Variants in PCNX3 observed in about 807,000 individuals in gnomAD.
The protein encoded by PCNX3 is pecanex 3.
A neutral mutation model predicts 207.2 loss-of-function variants in PCNX3; 58 were observed. The ratio of observed to expected loss-of-function variants is 0.28; its 90% confidence interval spans 0.23 to 0.35. The LOEUF (loss-of-function observed/expected upper bound fraction) is 0.35, where lower values mean the gene tolerates loss of function less well. Among genes scored for constraint, PCNX3 ranks in the 10% least tolerant of loss-of-function variants. The pLI is 1.00. For synonymous variants in PCNX3, 1,337 were observed against 1,183.5 expected, an observed-to-expected ratio of 1.13 and a Z score of -2.66; for missense variants, 2,410 against 2,774.4, an observed-to-expected ratio of 0.87 and a Z score of 2.95.
chr11:65,623,463 G>C, intron 11 of PCNX3, 28 bp from the exon 12 acceptor site: 1 of 1,567,074 alleles, frequency 6.4e-7, no homozygotes, highest in Non-Finnish European at 8.7e-7. Flanking sequence ...GGCAAGACGG[G>C]CACGCCCTGA....
rs1854757085 is a variant in PCNX3 at position 65,616,805 on chromosome 11, G to C, written c.154-19G>C. The C allele has an allele frequency of 6.2e-7, 1 of 1,604,032 alleles. No individual in the cohort carries two copies. The highest frequency in any genetic ancestry group is 1.3e-5 in the African/African-American group (1 of 74,920). ...GGCGAGGCTTTGTGAAAAGGGACCT[G>C]GCTTACTTTCATCTTCAGGTCCTGC... On this transcript the variant is annotated intron_variant, in intron 1 of 34. Coordinates refer to ENST00000355703, the MANE Select transcript of PCNX3 (RefSeq NM_032223.4).
chr11:65,633,543 G>T (rs1565171276), intron 27 of PCNX3, among the ~76,000 whole-genome samples: 1 of 152,166 alleles, frequency 6.6e-6, no homozygotes, highest in Non-Finnish European at 1.5e-5. Flanking sequence ...CTCGCTCCCC[G>T]CCCCCTGCCC....
chr11:65,623,155 G>T (rs1855200033), intron 11 of PCNX3, among the ~76,000 whole-genome samples: 1 of 152,232 alleles, frequency 6.6e-6, no homozygotes, highest in Non-Finnish European at 1.5e-5. Context: ...GCATAGCGTG[G>T]CACGCCCAAG....
Position 65,618,713 on chromosome 11 carries a change from T to G in PCNX3, c.1351T>G (p.Ser451Ala). 2.5e-6 allele frequency: 4 copies of G among 1,612,816 alleles called. No homozygotes were observed. Among genetic ancestry groups the G allele is most frequent in the Non-Finnish European group, 3.4e-6 (4 of 1,179,486 alleles). Reference protein sequence around the residue: ...RYSTDSSSSTSCYSPESSRGA... With the variant: ...RYSTDSSSSTACYSPESSRGA... ...CAGTACTGACAGCTCCTCTTCTACT[T>G]CCTGCTACTCCCCTGAGAGCTCCCG... The change falls in exon 6 of 35, where the codon TCC becomes GCC. Residue 451 changes from serine (S) to alanine (A), a missense_variant. By Grantham distance (99) the Ser-to-Ala change is moderately conservative (BLOSUM62 1). This residue lies in a region of PCNX3 where 1,104 missense variants were observed against 970.3 expected (regional missense o/e 1.14). Transcript: ENST00000355703.
At chr11:65,633,345 C>T (rs137882102) in intron 27 of PCNX3, among the ~76,000 whole-genome samples, 81 of 152,352 alleles carry the variant, frequency 5.3e-4, no homozygotes, top group Non-Finnish European at 8.7e-4. Context: ...CACATGTGCC[C>T]GTGGCTTTTT....
chr11:65,617,633 G>A lies in PCNX3; in HGVS notation c.504G>A (p.Glu168=), dbSNP rs779195734. 1.9e-6 allele frequency: 3 copies of A among 1,606,442 alleles called. No homozygotes were observed. The highest frequency in any genetic ancestry group is 1.7e-4 in the Middle Eastern group (1 of 6,048). Residue 168 remains glutamate, a synonymous_variant, in exon 5 of 35, where the codon GAG becomes GAA. Coordinates refer to ENST00000355703, the MANE Select transcript of PCNX3 (RefSeq NM_032223.4). Reference sequence around the variant, plus strand: ...CAGACATCAAGGAGCTGGTGCGGGAGCAGGGCAGCAACAATGTGATCGTGA... The same window carrying A: ...CAGACATCAAGGAGCTGGTGCGGGAACAGGGCAGCAACAATGTGATCGTGA... ...PLRDIKELVR[E]QGSNNVIVTS...
At position 65,635,472 on chromosome 11, in the gene PCNX3, A is replaced by T; in HGVS notation, c.5184+24A>T. 1 of 1,607,416 alleles carries T rather than the reference A, an allele frequency of 6.2e-7. No individual in the cohort carries two copies. The highest frequency in any genetic ancestry group is 8.5e-7 in the Non-Finnish European group (1 of 1,178,158). ...AGGTTGGGCCGGCCCCACCTGCCCT[A>T]AGCCCTGCCCCAAACCCCCTTGGGC... On this transcript the variant is annotated intron_variant, in intron 31 of 34. Transcript: ENST00000355703. This position sits in a 1 kb window ranked among gnomAD's most constrained non-coding sequence, Gnocchi z 9.9.
chr11:65,624,108 G>A, intron 13 of PCNX3, 87 bp from the exon 14 acceptor site: 4 of 1,566,080 alleles, frequency 2.6e-6, no homozygotes, highest in Non-Finnish European at 3.4e-6. Flanking sequence ...TTGGACCCAG[G>A]GCCAGGCCTG....
At chr11:65,624,156 A>G in intron 13 of PCNX3, 39 bp from the exon 14 acceptor site, 1 of 1,582,084 alleles carries the variant, frequency 6.3e-7, no homozygotes, top group Non-Finnish European at 8.6e-7. Context: ...AGGTGTGGCC[A>G]GTCGGGGAGA....
Position 65,626,166 on chromosome 11 carries a change from C to T in PCNX3, c.3379+112C>T, listed in dbSNP as rs185107667. On this transcript the variant is annotated intron_variant, in intron 20 of 34. Transcript: ENST00000355703. ...AGTGCCAGCAGGGGGCACTCGCTGC[C>T]CACACTACCCTTTCTGCTCCCTCCC... The T allele has an allele frequency of 6.3e-3, 8,749 of 1,392,882 alleles. 37 individuals carry two copies. Among genetic ancestry groups the T allele is most frequent in the Non-Finnish European group, 8.1e-3 (8,186 of 1,016,832 alleles). 86.3% of individuals were successfully genotyped at this position (1,392,882 alleles called of 1,614,324 possible). A position where few individuals can be genotyped will look rare whatever the true frequency, so the allele number is the denominator to read the frequency against.
In PCNX3 at chr11:65,615,909, TG is replaced by T; in HGVS notation, c.-399del. 6.5e-6 allele frequency: 1 copy of T among 154,724 alleles called. No individual in the cohort carries two copies. Among genetic ancestry groups the T allele is most frequent in the Non-Finnish European group, 1.4e-5 (1 of 69,804 alleles). The allele number at this position is 154,724 out of a possible 1,614,324, so 9.6% of individuals were successfully genotyped here. On this transcript the variant is annotated 5_prime_UTR_variant, in exon 1 of 35. Coordinates refer to ENST00000355703, the MANE Select transcript of PCNX3 (RefSeq NM_032223.4). ...GACCCCGAAAGTGGACCCCAGATCC[TG>T]GGGTTCTCCCTGGTCCGGAGACTAG...
chr11:65,619,684 G>T, intron 7 of PCNX3, 24 bp downstream of exon 7: 1 of 1,583,018 alleles, frequency 6.3e-7, no homozygotes, highest in Non-Finnish European at 8.5e-7. Context: ...CAGCTGTGCC[G>T]AGGGGCACCG....
rs758678294 is a variant in PCNX3, at chr11:65,635,801, G to T, written c.5457G>T (p.Glu1819Asp). 6.2e-7 allele frequency: 1 copy of T among 1,602,830 alleles called. No homozygotes were observed. The highest frequency in any genetic ancestry group is 2.2e-5 in the East Asian group (1 of 44,530). The change falls in exon 32 of 35, where the codon GAG becomes GAT. Residue 1819 changes from glutamate to aspartate, a missense_variant and splice_region_variant. Around this residue, in one of 8 missense-constraint regions of PCNX3, gnomAD observed 59 missense variants for 83.9 expected, o/e 0.70. Transcript: ENST00000355703. This position sits in a 1 kb window ranked among gnomAD's most constrained non-coding sequence, Gnocchi z 9.9. Reference sequence around the variant, plus strand: ...CCCACTGGCTCCTGCGCACCTGGGAGAGGTGAGGCCTCGGGAAGGGGTGAC... The same window carrying T: ...CCCACTGGCTCCTGCGCACCTGGGATAGGTGAGGCCTCGGGAAGGGGTGAC... ...AIAHWLLRTWERLHKGCGAGC... is the reference protein window; with the variant it reads ...AIAHWLLRTWDRLHKGCGAGC...
In PCNX3 at chr11:65,625,483, C is replaced by A. The variant is rs151327127; in HGVS notation, c.3108C>A (p.Pro1036=). The A allele has an allele frequency of 2.3e-3, 3,741 of 1,604,740 alleles. 77 individuals carry two copies. In the African/African-American group the frequency reaches 0.041, roughly 18 times the overall value. The change falls in exon 18 of 35, where the codon CCC becomes CCA. Residue 1036 remains proline, a synonymous_variant. Transcript: ENST00000355703. The surrounding 1 kb of genome is among the most constrained non-coding windows in gnomAD (Gnocchi z 5.6). ...CAGCCCGGGCCGAGCCCCCGGACCC[C>A]TTGCCGGACAAGATGCGCCAGTCGG... The part of the protein sequence containing the change: ...LETARAEPPD[P]LPDKMRQSVR...
At chr11:65,616,513 C>T (rs760165659) in intron 1 of PCNX3, 49 bp downstream of exon 1, 4 of 1,557,122 alleles carry the variant, frequency 2.6e-6, no homozygotes, top group East Asian at 4.6e-5. Context: ...GGGAGGGCAG[C>T]CTGGCAGGGA....
At position 65,637,187 on chromosome 11, in the gene PCNX3, C is replaced by A; in HGVS notation, c.*209C>A. ...CATCCCCAGTCCAGGGCCTGGGCTC[C>A]CCAGATGGAGGCAGTCAGCCTCCCA... On this transcript the variant is annotated 3_prime_UTR_variant, in exon 35 of 35. Coordinates refer to ENST00000355703, the MANE Select transcript of PCNX3 (RefSeq NM_032223.4). 1.7e-6 allele frequency: 1 copy of A among 603,164 alleles called. No homozygotes were observed. Among genetic ancestry groups the A allele is most frequent in the Admixed American group, 3.0e-5 (1 of 33,030 alleles). 37.4% of individuals were successfully genotyped at this position (603,164 alleles called of 1,614,324 possible). A position where few individuals can be genotyped will look rare whatever the true frequency, so the allele number is the denominator to read the frequency against.
At chr11:65,629,062 C>T (rs1435250169) in intron 24 of PCNX3, 114 bp downstream of exon 24, 7 of 1,443,270 alleles carry the variant, frequency 4.9e-6, no homozygotes, top group Non-Finnish European at 6.5e-6. Context: ...AGGGCTTGGT[C>T]ACAGTGGGGA....
chr11:65,617,220 C>T, intron 2 of PCNX3, 30 bp from the exon 3 acceptor site: 2 of 1,567,678 alleles, frequency 1.3e-6, no homozygotes, highest in South Asian at 1.2e-5. Context: ...GAGAGGTTAG[C>T]TCAAAGCTGC....
Position 65,625,906 on chromosome 11 carries a change from G to T in PCNX3, c.3231G>T (p.Ser1077=), listed in dbSNP as rs747132456. ...TCTCTGGCCTCTCCCTCCTGCAGTC[G>T]GTGCTGGGTTTCGTGTTGTACGCAC... The part of the protein sequence containing the change: ...SASTVFIALK[S]VLGFVLYALA... Residue 1077 remains serine, a splice_region_variant and synonymous_variant, in exon 20 of 35, where the codon TCG becomes TCT. Coordinates refer to ENST00000355703, the MANE Select transcript of PCNX3 (RefSeq NM_032223.4). The surrounding 1 kb of genome is among the most constrained non-coding windows in gnomAD (Gnocchi z 5.6). 1.6e-5 allele frequency: 26 copies of T among 1,612,530 alleles called. No individual in the cohort carries two copies. The highest frequency in any genetic ancestry group is 2.2e-5 in the Non-Finnish European group (26 of 1,178,972).
Sources: allele counts gnomAD v4.1 joint callset (sites outside exome capture counted in the v4.1 genomes callset), GRCh38; gene constraint gnomAD v4.1.1; regional missense constraint gnomAD v4.1.1; non-coding constraint Gnocchi (gnomAD v3.1); transcripts MANE v1.5; gene names NCBI Gene and HGNC (gene_info 2026-07-23, HGNC 2026-07-21).